Variants in TAB2 observed in about 807,000 individuals in gnomAD.
TAB2 encodes the protein TGF-beta activated kinase 1 (MAP3K7) binding protein 2.
A neutral mutation model predicts 65.0 loss-of-function variants in TAB2; 3 were observed. The ratio of observed to expected loss-of-function variants is 0.05; its 90% CI spans 0.02 to 0.12. The LOEUF (loss-of-function observed/expected upper bound fraction) is 0.12, where lower values mean the gene tolerates loss of function less well. Ranked by LOEUF, TAB2 falls within the 10% of genes least tolerant of loss-of-function variation. The pLI is 1.00. For missense variants in TAB2, 623 were observed against 840.3 expected (o/e 0.74, Z 3.20); for synonymous variants, 298 against 285.1 (o/e 1.05, Z -0.46).
At chr6:149,289,143 GC>G (rs1562401577) in intron 1 of TAB2, among the ~76,000 whole-genome samples, 1 of 152,098 alleles carries the variant, frequency 6.6e-6, no homozygotes, top group Non-Finnish European at 1.5e-5. Flanking sequence ...ACAGGTGTGA[GC>G]CACCATGCCA....
intron 1 of TAB2, among the ~76,000 whole-genome samples, chr6:149,339,116 A>G (rs1780021787): frequency 1.3e-5 from 2 of 152,216 alleles, no homozygotes; most frequent in South Asian, 2.1e-4. Flanking sequence ...CTGTAATCCC[A>G]GCCCTTTGGG....
intron 1 of TAB2, chr6:149,243,612 C>T (rs1433355852): frequency 6.6e-6 from 1 of 152,226 alleles, no homozygotes; most frequent in East Asian, 1.9e-4. Context: ...AGTACTTTCA[C>T]CTTATTGACT....
chr6:149,333,023 T>A (rs1022402736), intron 1 of TAB2, among the ~76,000 whole-genome samples: 2 of 152,262 alleles, frequency 1.3e-5, no homozygotes, highest in Admixed American at 1.3e-4. Flanking sequence ...ATGTGTATTA[T>A]AATTATCTGT....
chr6:149,408,390 A>G (rs1782736027), intron 6 of TAB2, among the ~76,000 whole-genome samples: 1 of 152,214 alleles, frequency 6.6e-6, no homozygotes, highest in Admixed American at 6.5e-5. Context: ...TTAGCAAGAA[A>G]ATTTCTGTAC....
intron 1 of TAB2, among the ~76,000 whole-genome samples, chr6:149,226,463 C>T (rs768996974): frequency 6.6e-6 from 1 of 152,232 alleles, no homozygotes; most frequent in Non-Finnish European, 1.5e-5. Flanking sequence ...CCCACCTCCG[C>T]AGATACTGCT....
intron 1 of TAB2, among the ~76,000 whole-genome samples, chr6:149,265,206 T>G (rs2114670863): frequency 6.6e-6 from 1 of 152,150 alleles, no homozygotes; most frequent in African/African-American, 2.4e-5. Flanking sequence ...TTTTTTTTTT[T>G]TTAAAGCACA....
intron 1 of TAB2, among the ~76,000 whole-genome samples, chr6:149,252,537 A>G (rs1233082666): frequency 6.6e-6 from 1 of 152,136 alleles, no homozygotes; most frequent in Non-Finnish European, 1.5e-5. Flanking sequence ...ATCCATCCCT[A>G]TACCGATCCT....
intron 6 of TAB2, among the ~76,000 whole-genome samples, chr6:149,408,438 A>G (rs1782737762): frequency 6.6e-6 from 1 of 152,216 alleles, no homozygotes; most frequent in South Asian, 2.1e-4. Context: ...GGTACAAAGT[A>G]CCAAATATCA....
rs367734342 is a variant in TAB2 at position 149,249,679 on chromosome 6, C to T, written c.-121+30903C>T. ...CTGTCTGTCTCTCTCTCTTTCTCTC[C>T]CTGTCTCTATCTTTCACGGCGCCCT... On this transcript the variant is annotated intron_variant, in intron 1 of 1. Transcript: ENST00000606202. Among the ~76,000 whole-genome samples the T allele has an allele frequency of 2.3e-4, 35 of 151,912 alleles. 1 individual carries two copies. In the South Asian group the frequency reaches 7.1e-3, roughly 31 times the overall value.
chr6:149,241,245 C>T (rs1334975586), intron 1 of TAB2, among the ~76,000 whole-genome samples: 1 of 152,020 alleles, frequency 6.6e-6, no homozygotes, highest in Non-Finnish European at 1.5e-5. Flanking sequence ...GTTAGGGCAG[C>T]CTGAGCAGAC....
intron 1 of TAB2, among the ~76,000 whole-genome samples, chr6:149,262,237 C>T (rs752695388): frequency 2.0e-5 from 3 of 152,156 alleles, no homozygotes; most frequent in Non-Finnish European, 4.4e-5. Context: ...TTTCTACATA[C>T]AAATCTCAAA....
chr6:149,289,394 TAA>T lies in TAB2; in HGVS notation c.-121+70629_-121+70630del, dbSNP rs35631773. ...GAGTGACATAGCAAGACCCTGTCTC[TAA>T]AAAAAAAAAAGGCCAAAGTCCTTAC... On this transcript the variant is annotated intron_variant, in intron 1 of 1. Transcript: ENST00000606202. Among the ~76,000 whole-genome samples, 84 of 146,666 alleles carry T rather than the reference TAA, an allele frequency of 5.7e-4. 1 individual carries two copies. The East Asian group carries it at 8.1e-3, about 14-fold the overall frequency.
At chr6:149,355,759 A>G (rs1488337109) in intron 1 of TAB2, among the ~76,000 whole-genome samples, 1 of 151,918 alleles carries the variant, frequency 6.6e-6, no homozygotes, top group African/African-American at 2.4e-5. Context: ...TCTTTTGATT[A>G]CCTTACTTAC....
intron 1 of TAB2, among the ~76,000 whole-genome samples, chr6:149,266,216 G>A (rs761832256): frequency 6.6e-6 from 1 of 152,230 alleles, no homozygotes; most frequent in Non-Finnish European, 1.5e-5. Flanking sequence ...GGACTGACCT[G>A]TGTGAAATCT....
intron 1 of TAB2, among the ~76,000 whole-genome samples, chr6:149,341,669 A>G (rs1780131321): frequency 6.6e-6 from 1 of 152,212 alleles, no homozygotes; most frequent in South Asian, 2.1e-4. Context: ...TGCCATCACA[A>G]TAGATGGAAA....
intron 3 of TAB2, among the ~76,000 whole-genome samples, chr6:149,382,729 C>T (rs980812145): frequency 1.3e-5 from 2 of 152,104 alleles, no homozygotes; most frequent in Admixed American, 6.5e-5. Flanking sequence ...TGTAGCTTCA[C>T]TTATAGCCCA....
intron 1 of TAB2, among the ~76,000 whole-genome samples, chr6:149,358,786 TA>T (rs1342390216): frequency 6.6e-6 from 1 of 152,000 alleles, no homozygotes; most frequent in African/African-American, 2.4e-5. Context: ...GATGCAGTAG[TA>T]TTTTCATTCT....
intron 1 of TAB2, among the ~76,000 whole-genome samples, chr6:149,311,620 TTGGTAGTAGTAGTAGTAA>T (rs996745725): frequency 6.6e-6 from 1 of 152,202 alleles, no homozygotes; most frequent in Non-Finnish European, 1.5e-5. Context: ...TAGTTGTGAA[TTGGTAGTAGTAGTAGTAA>T]TGGTACCACT....
At chr6:149,296,911 C>A (rs1778886261) in intron 1 of TAB2, among the ~76,000 whole-genome samples, 1 of 152,156 alleles carries the variant, frequency 6.6e-6, no homozygotes, top group South Asian at 2.1e-4. Flanking sequence ...ATAATATCTT[C>A]TATTTTTTCC....
Sources: gnomAD v4.1 joint callset for allele counts (sites outside exome capture counted in the v4.1 genomes callset) on GRCh38, gnomAD v4.1.1 for gene constraint, MANE v1.5 for transcripts, NCBI Gene and HGNC (gene_info 2026-07-23, HGNC 2026-07-21) for gene names.